NODAL: variants seen among roughly 807,000 people sequenced by gnomAD.
NODAL encodes nodal homolog.
A neutral mutation model predicts 34.0 loss-of-function variants in NODAL; 12 were observed. The ratio of observed to expected loss-of-function variants is 0.35; its 90% CI spans 0.23 to 0.57. The LOEUF (loss-of-function observed/expected upper bound fraction) is 0.57, where lower values mean the gene tolerates loss of function less well. Among genes scored for constraint, NODAL ranks in the 20% least tolerant of loss-of-function variants. NODAL has a pLI of 0.83. For synonymous variants in NODAL, 162 were observed against 186.4 expected (o/e 0.87, Z 1.07); for missense variants, 390 against 444.2 (o/e 0.88, Z 1.10).
intron 1 of NODAL, among the ~76,000 whole-genome samples, chr10:70,440,066 T>C (rs1183141549): frequency 6.6e-6 from 1 of 152,156 alleles, no homozygotes; most frequent in Non-Finnish European, 1.5e-5. Context: ...AGGGAGACTC[T>C]GTTTCAAAGA....
upstream of NODAL, among the ~76,000 whole-genome samples, chr10:70,443,933 C>CCTTTTTTTTTTTTT (rs1554850806): frequency 7.0e-6 from 1 of 143,854 alleles, no homozygotes; most frequent in Non-Finnish European, 1.5e-5. Flanking sequence ...GTTGACTCCC[C>CCTTTTTTTTTTTTT]TTTTTTTTTT....
chr10:70,441,837 C>T (rs1045720413), upstream of NODAL, among the ~76,000 whole-genome samples: 2 of 152,134 alleles, frequency 1.3e-5, no homozygotes, highest in African/African-American at 4.8e-5. Context: ...GAGACCTGAG[C>T]CTGGTGCGGA....
chr10:70,443,782 T>G (rs1424721502), upstream of NODAL, among the ~76,000 whole-genome samples: 1 of 151,728 alleles, frequency 6.6e-6, no homozygotes, highest in Non-Finnish European at 1.5e-5. Context: ...GAGGTTGCAG[T>G]GGGTCAAGAT....
At chr10:70,443,095 AAAC>A (rs137898828), upstream of NODAL, among the ~76,000 whole-genome samples, 25,871 of 151,536 alleles carry the variant, frequency 0.17, 2,346 homozygotes, top group African/African-American at 0.19. Context: ...TCAAAAAACA[AAAC>A]AACAACAACA....
intron 2 of NODAL, among the ~76,000 whole-genome samples, chr10:70,434,419 A>G (rs748087269): frequency 9.2e-5 from 14 of 152,102 alleles, no homozygotes; most frequent in Admixed American, 9.2e-4. Context: ...CTGGAGTGCA[A>G]TGGCATGATC....
chr10:70,447,799 G>C, intron 1 of NODAL: 1 of 452,718 alleles, frequency 2.2e-6, no homozygotes, highest in Non-Finnish European at 4.6e-6. Context: ...GGTGACCCCT[G>C]ACTCCTTTCT....
chr10:70,438,792 C>T (rs911553663), intron 1 of NODAL, among the ~76,000 whole-genome samples: 1 of 152,210 alleles, frequency 6.6e-6, no homozygotes, highest in Non-Finnish European at 1.5e-5. Flanking sequence ...CTGATAGGTT[C>T]TCTGGTTCAT....
In NODAL at chr10:70,441,517, G is replaced by A. The variant is rs1264165819; in HGVS notation, c.151C>T (p.Pro51Ser). Residue 51 changes from proline (P) to serine (S), a missense_variant, in exon 1 of 3, where the codon CCG (proline) becomes TCG (serine). Pro to Ser is a moderately conservative substitution (Grantham distance 74). Transcript: ENST00000287139. ...LAYMLSLYRDPLPRADIIRSL... is the reference protein window; with the variant it reads ...LAYMLSLYRDSLPRADIIRSL... ...CGGATGATGTCTGCCCTCGGCAGCG[G>A]GTCGCGGTAGAGGCTCAGCATGTAC... is the stretch of plus-strand genomic sequence containing the variant. The A allele has an allele frequency of 1.3e-6, 2 of 1,595,030 alleles. No homozygotes were observed. Among genetic ancestry groups the A allele is most frequent in the African/African-American group, 2.7e-5 (2 of 74,562 alleles).
At chr10:70,435,213 A>T in intron 2 of NODAL, 73 bp downstream of exon 2, 1 of 1,299,522 alleles carries the variant, frequency 7.7e-7, no homozygotes, top group Non-Finnish European at 1.1e-6. Context: ...ATAGTCATTT[A>T]ATAGCAAAGC....
upstream of NODAL, among the ~76,000 whole-genome samples, chr10:70,446,377 T>G (rs867436810): frequency 6.6e-6 from 1 of 152,158 alleles, no homozygotes. Context: ...TCTGGATACT[T>G]CTCTGTCACT....
chr10:70,433,195 G>T, intron 2 of NODAL, 107 bp from the exon 3 acceptor site: 1 of 1,295,436 alleles, frequency 7.7e-7, no homozygotes, highest in Non-Finnish European at 1.1e-6. Flanking sequence ...CAGTTCCTGA[G>T]TGCAAAAATA....
chr10:70,446,835 C>T (rs1231387132), intron 1 of NODAL, among the ~76,000 whole-genome samples: 1 of 152,140 alleles, frequency 6.6e-6, no homozygotes. Flanking sequence ...CTGTGCCTAG[C>T]ATAGCTCCTG....
At chr10:70,433,194 A>G in intron 2 of NODAL, 106 bp from the exon 3 acceptor site, 1 of 1,329,320 alleles carries the variant, frequency 7.5e-7, no homozygotes. Context: ...TCAGTTCCTG[A>G]GTGCAAAAAT....
chr10:70,437,639 A>G (rs931379980), intron 1 of NODAL, among the ~76,000 whole-genome samples: 1 of 152,186 alleles, frequency 6.6e-6, no homozygotes, highest in Non-Finnish European at 1.5e-5. Context: ...TTCTTTGTGA[A>G]TAGACTCTGG....
intron 2 of NODAL, among the ~76,000 whole-genome samples, chr10:70,433,925 G>A (rs1327712225): frequency 6.6e-6 from 1 of 151,826 alleles, no homozygotes; most frequent in Non-Finnish European, 1.5e-5. Flanking sequence ...AGATCAGAGT[G>A]TCAGAGTTGG....
chr10:70,440,304 C>T (rs1405184585), intron 1 of NODAL, among the ~76,000 whole-genome samples: 1 of 152,194 alleles, frequency 6.6e-6, no homozygotes, highest in East Asian at 1.9e-4. Flanking sequence ...TGCCCCCTCC[C>T]ATCCCCGGCC....
chr10:70,440,633 C>G (rs1269869820), intron 1 of NODAL, among the ~76,000 whole-genome samples: 1 of 152,202 alleles, frequency 6.6e-6, no homozygotes, highest in East Asian at 1.9e-4. Flanking sequence ...GGCTCCCTCT[C>G]CGCAGCACCC....
At chr10:70,445,422 T>C (rs1204644609), upstream of NODAL, among the ~76,000 whole-genome samples, 1 of 152,062 alleles carries the variant, frequency 6.6e-6, no homozygotes, top group Non-Finnish European at 1.5e-5. Context: ...CACGCCCGGC[T>C]AATTTTTTGT....
intron 1 of NODAL, among the ~76,000 whole-genome samples, chr10:70,440,549 G>GCC (rs1396896797): frequency 6.6e-6 from 1 of 152,120 alleles, no homozygotes. Context: ...GGGCCGTCTG[G>GCC]CCCCCGCAGG....
Sources: allele counts gnomAD v4.1 joint callset (sites outside exome capture counted in the v4.1 genomes callset), GRCh38; gene constraint gnomAD v4.1.1; transcripts MANE v1.5; gene names NCBI Gene and HGNC (gene_info 2026-07-23, HGNC 2026-07-21).